ITCH: variants seen among roughly 807,000 people sequenced by gnomAD.
ITCH encodes itchy E3 ubiquitin protein ligase.
In ITCH, 28 loss-of-function variants were observed where a neutral mutation model predicts 126.8. The observed-to-expected ratio is 0.22, with a 90% CI of 0.16 to 0.30. ITCH has a LOEUF of 0.30. Among genes scored for constraint, ITCH ranks in the 10% least tolerant of loss-of-function variants. The probability of loss-of-function intolerance (pLI) is 1.00; values close to 1 mark genes in which losing one functional copy is unlikely to be tolerated. For missense variants in ITCH, 631 were observed against 1,032.4 expected, an observed-to-expected ratio of 0.61 and a Z score of 5.33; for synonymous variants, 342 against 340.0, an observed-to-expected ratio of 1.01 and a Z score of -0.06.
At chr20:34,451,289 CAAAA>C (rs1234630566) in intron 12 of ITCH, among the ~76,000 whole-genome samples, 9 of 71,222 alleles carry the variant, frequency 1.3e-4, no homozygotes, top group Non-Finnish European at 1.8e-4. Flanking sequence ...GACTCCGTCT[CAAAA>C]AAAAAAAAAA....
At chr20:34,486,163 T>TACTA (rs1258125808) in intron 20 of ITCH, among the ~76,000 whole-genome samples, 2 of 151,918 alleles carry the variant, frequency 1.3e-5, no homozygotes, top group African/African-American at 4.8e-5. Flanking sequence ...CACAGGCATG[T>TACTA]ACTACCATGC....
At chr20:34,470,160 G>A (rs773559243) in intron 15 of ITCH, 40 bp downstream of exon 15, 3 of 1,406,996 alleles carry the variant, frequency 2.1e-6, no homozygotes, top group South Asian at 2.3e-5. Flanking sequence ...CCTTAACTTT[G>A]TTGTGTTGCT....
At chr20:34,442,446 AAAG>A in intron 10 of ITCH, 143 bp downstream of exon 10, 1 of 672,518 alleles carries the variant, frequency 1.5e-6, no homozygotes, top group East Asian at 2.7e-5. Flanking sequence ...TACAAATTAA[AAAG>A]AAGAGAGCTA....
rs1978342234 is a variant in ITCH, at chr20:34,508,000, C to T, written c.*206C>T. On this transcript the variant is annotated 3_prime_UTR_variant, in exon 25 of 25. Transcript: ENST00000374864. ...CAGGTCTGCAAATGACTAGTCAGAACCTTGCTTAACATGAGATTTTAACAC... is the reference window on the plus strand; with the variant it reads ...CAGGTCTGCAAATGACTAGTCAGAATCTTGCTTAACATGAGATTTTAACAC... The T allele has an allele frequency of 1.9e-6, 1 of 532,136 alleles. No individual in the cohort carries two copies. The highest frequency in any genetic ancestry group is 3.4e-6 in the Non-Finnish European group (1 of 293,820). The allele number at this position is 532,136 out of a possible 1,614,324, so 33.0% of individuals were successfully genotyped here.
intron 7 of ITCH, among the ~76,000 whole-genome samples, chr20:34,437,128 CAAAA>C (rs573957007): frequency 7.3e-6 from 1 of 136,544 alleles, no homozygotes; most frequent in Non-Finnish European, 1.6e-5. Flanking sequence ...GACGCTGTCT[CAAAA>C]AAAAAAGGAA....
chr20:34,388,550 A>G (rs763133095), intron 2 of ITCH, among the ~76,000 whole-genome samples: 1 of 152,052 alleles, frequency 6.6e-6, no homozygotes, highest in African/African-American at 2.4e-5. Flanking sequence ...ACATCCAGCT[A>G]ATTTATTTTT....
chr20:34,449,323 C>A, intron 11 of ITCH, 88 bp from the exon 12 acceptor site: 1 of 769,956 alleles, frequency 1.3e-6, no homozygotes, highest in Non-Finnish European at 2.3e-6. Flanking sequence ...TTATACATTG[C>A]CAGGGAAGGG....
intron 6 of ITCH, among the ~76,000 whole-genome samples, chr20:34,414,299 G>A (rs1038354630): frequency 2.0e-5 from 3 of 151,904 alleles, no homozygotes; most frequent in Admixed American, 6.6e-5. Flanking sequence ...AATCACATTT[G>A]CCTCCATGAG....
chr20:34,465,382 A>G (rs1329871871), intron 14 of ITCH, among the ~76,000 whole-genome samples: 1 of 151,620 alleles, frequency 6.6e-6, no homozygotes, highest in Admixed American at 6.6e-5. Flanking sequence ...TTCCATATGA[A>G]TTTTAGGATG....
intron 10 of ITCH, among the ~76,000 whole-genome samples, chr20:34,443,145 A>G (rs1394683065): frequency 1.3e-5 from 2 of 152,178 alleles, no homozygotes; most frequent in Non-Finnish European, 2.9e-5. Context: ...AAACTATAAT[A>G]GCAAAATCAT....
intron 15 of ITCH, among the ~76,000 whole-genome samples, chr20:34,470,537 T>C (rs955296926): frequency 1.3e-5 from 2 of 152,126 alleles, no homozygotes; most frequent in African/African-American, 4.8e-5. Flanking sequence ...ATTGCAGGAA[T>C]CTTCAAATGT....
intron 6 of ITCH, among the ~76,000 whole-genome samples, chr20:34,420,330 A>T (rs981104218): frequency 2.0e-5 from 3 of 152,200 alleles, no homozygotes. Flanking sequence ...AAAAGGAATC[A>T]TGTGACTTTT....
intron 20 of ITCH, among the ~76,000 whole-genome samples, chr20:34,486,325 C>T (rs1420145232): frequency 6.9e-6 from 1 of 144,778 alleles, no homozygotes; most frequent in South Asian, 2.2e-4. Flanking sequence ...CAGTCCACAC[C>T]TTTTTTTTTT....
chr20:34,434,991 A>G (rs17303568), intron 7 of ITCH, among the ~76,000 whole-genome samples: 8,719 of 152,172 alleles, frequency 0.057, 325 homozygotes, highest in East Asian at 0.17. Flanking sequence ...ATGATTGTAT[A>G]GGACTTAGAG....
intron 6 of ITCH, among the ~76,000 whole-genome samples, chr20:34,419,557 C>T (rs781320822): frequency 6.6e-6 from 1 of 152,024 alleles, no homozygotes; most frequent in African/African-American, 2.4e-5. Flanking sequence ...TCTTGGCTCA[C>T]TGCAACCTCC....
chr20:34,401,189 T>G lies in ITCH; in HGVS notation c.70+7308T>G, dbSNP rs1453896851. 2.6e-5 allele frequency among the ~76,000 whole-genome samples: 4 copies of G among 152,294 alleles called. No homozygotes were observed. In the East Asian group the frequency reaches 7.7e-4, roughly 29 times the overall value. On this transcript the variant is annotated intron_variant, in intron 3 of 24. Coordinates refer to ENST00000374864, the MANE Select transcript of ITCH (RefSeq NM_031483.7). ...TTACCTTGGATGTAAGTCTGTTTTC[T>G]TATGTCCTTCCCTGTCTTTATTTAC...
At chr20:34,473,412 G>A (rs1197851901) in intron 16 of ITCH, among the ~76,000 whole-genome samples, 1 of 152,158 alleles carries the variant, frequency 6.6e-6, no homozygotes, top group East Asian at 1.9e-4. Context: ...TCCCTCCTGG[G>A]ACTGACACAC....
Position 34,385,216 on chromosome 20 carries a change from TGTGTGG to T in ITCH, c.-21-8574_-21-8569del, listed in dbSNP as rs1423460542. 2.3e-3 allele frequency among the ~76,000 whole-genome samples: 315 copies of T among 136,160 alleles called. 5 individuals are homozygous for T. Among genetic ancestry groups the T allele is most frequent in the African/African-American group, 8.9e-3 (298 of 33,520 alleles). The allele number at this position is 136,160 out of a possible 152,430, so 89.3% of individuals were successfully genotyped here. ...GTGTGTGTGTGTGTGTGTGTGTGTG[TGTGTGG>T]TTTTTTTTTTTTTTTTTTTTAGCAG... On this transcript the variant is annotated intron_variant, in intron 2 of 24. Transcript: ENST00000374864.
At chr20:34,370,017 A>G (rs1393392830) in intron 2 of ITCH, among the ~76,000 whole-genome samples, 1 of 151,220 alleles carries the variant, frequency 6.6e-6, no homozygotes, top group African/African-American at 2.4e-5. Context: ...ACATGGGAGG[A>G]TCACTTGAGC....
Sources: allele counts gnomAD v4.1 joint callset (sites outside exome capture counted in the v4.1 genomes callset), GRCh38; gene constraint gnomAD v4.1.1; transcripts MANE v1.5; gene names NCBI Gene and HGNC (gene_info 2026-07-23, HGNC 2026-07-21).